SERPIND1: variants seen among roughly 807,000 people sequenced by gnomAD.
SERPIND1 encodes serpin family D member 1.
SERPIND1 carries 34 observed loss-of-function variants against 35.0 expected under a neutral mutation model. The ratio of observed to expected loss-of-function variants is 0.97; its 90% CI spans 0.74 to 1.29. The LOEUF is 1.29. Ranked by LOEUF, SERPIND1 falls within the 50% of genes most tolerant of loss-of-function variation. SERPIND1 has a pLI of 0.00. For missense variants in SERPIND1, 633 were observed against 637.7 expected (o/e 0.99, Z 0.08); for synonymous variants, 236 against 241.1 (o/e 0.98, Z 0.19).
chr22:20,776,092 C>T (rs1342630487), intron 1 of SERPIND1, among the ~76,000 whole-genome samples: 2 of 152,096 alleles, frequency 1.3e-5, no homozygotes, highest in South Asian at 2.1e-4. Context: ...GAGGCCAAGG[C>T]AGGAGAATTG....
chr22:20,784,772 A>G (rs1258509852), intron 3 of SERPIND1, among the ~76,000 whole-genome samples: 1 of 152,176 alleles, frequency 6.6e-6, no homozygotes, highest in Non-Finnish European at 1.5e-5. Context: ...GCAGGTGTTA[A>G]GTACTTATTG....
intron 2 of SERPIND1, among the ~76,000 whole-genome samples, chr22:20,782,306 C>T (rs1240239627): frequency 6.6e-6 from 1 of 152,170 alleles, no homozygotes; most frequent in African/African-American, 2.4e-5. Context: ...CACAGTAACC[C>T]GTGTCATACC....
At chr22:20,774,535 G>T (rs546457737) in intron 1 of SERPIND1, among the ~76,000 whole-genome samples, 8 of 152,272 alleles carry the variant, frequency 5.3e-5, no homozygotes, top group African/African-American at 1.9e-4. Flanking sequence ...GGCCGAGGCG[G>T]GTGGATCACG....
intron 1 of SERPIND1, among the ~76,000 whole-genome samples, chr22:20,777,373 C>T (rs954915822): frequency 7.2e-5 from 11 of 152,024 alleles, no homozygotes; most frequent in East Asian, 1.9e-4. Context: ...TGCGCCACCA[C>T]GCCGGCTAAT....
At chr22:20,783,833 T>C in intron 2 of SERPIND1, 139 bp from the exon 3 acceptor site, 1 of 1,144,988 alleles carries the variant, frequency 8.7e-7, no homozygotes, top group Non-Finnish European at 1.3e-6. Flanking sequence ...AAATCAGGCC[T>C]CAGGAATCAA....
intron 1 of SERPIND1, 44 bp from the exon 2 acceptor site, chr22:20,779,253 G>C: frequency 6.2e-7 from 1 of 1,610,772 alleles, no homozygotes. Context: ...GCGGGGTGTG[G>C]ATCAGCCAGG....
At chr22:20,783,577 G>A (rs1052562690) in intron 2 of SERPIND1, among the ~76,000 whole-genome samples, 2 of 152,042 alleles carry the variant, frequency 1.3e-5, no homozygotes, top group African/African-American at 2.4e-5. Context: ...TGATGGCATC[G>A]CCGCACTCCA....
At chr22:20,783,888 A>G (rs1481479427) in intron 2 of SERPIND1, 84 bp from the exon 3 acceptor site, 19 of 1,590,020 alleles carry the variant, frequency 1.2e-5, no homozygotes, top group Admixed American at 1.0e-4. Flanking sequence ...TGAGGCCTCC[A>G]GGGAAATCAG....
At chr22:20,782,582 CAG>C (rs1933881218) in intron 2 of SERPIND1, among the ~76,000 whole-genome samples, 1 of 152,118 alleles carries the variant, frequency 6.6e-6, no homozygotes, top group South Asian at 2.1e-4. Context: ...ATGAGGAAGT[CAG>C]AAGGAAAGAA....
chr22:20,784,387 T>C (rs1934043041), intron 3 of SERPIND1, 142 bp downstream of exon 3: 1 of 1,155,854 alleles, frequency 8.7e-7, no homozygotes. Flanking sequence ...CTCTGTTAAT[T>C]CAGCCCCAAT....
rs749720054 is a variant in SERPIND1 at position 20,779,383 on chromosome 22, C to T, written c.71C>T (p.Pro24Leu). ...TCTGCGTGGGGTGGGAGCAAAGGCCCGCTGGATCAGCTAGAGAAAGGAGGG... is the reference window on the plus strand; with the variant it reads ...TCTGCGTGGGGTGGGAGCAAAGGCCTGCTGGATCAGCTAGAGAAAGGAGGG... The part of the protein sequence containing the change: ...ITSAWGGSKG[P>L]LDQLEKGGET... The change falls in exon 2 of 5, where the codon CCG becomes CTG. Residue 24 changes from proline to leucine, a missense_variant. By Grantham distance (98) the Pro-to-Leu change is moderately conservative. Transcript: ENST00000215727. 59 of 1,614,100 alleles carry T rather than the reference C, an allele frequency of 3.7e-5. No homozygotes were observed. Among genetic ancestry groups the T allele is most frequent in the Non-Finnish European group, 4.5e-5 (53 of 1,180,050 alleles).
At chr22:20,785,971 T>G (rs1934186667) in intron 3 of SERPIND1, 33 bp from the exon 4 acceptor site, 1 of 1,614,028 alleles carries the variant, frequency 6.2e-7, no homozygotes, top group Admixed American at 1.7e-5. Context: ...TGTGGTTCAA[T>G]AAAACTGGGC....
At chr22:20,781,966 G>T (rs1447577749) in intron 2 of SERPIND1, among the ~76,000 whole-genome samples, 1 of 152,220 alleles carries the variant, frequency 6.6e-6, no homozygotes, top group Admixed American at 6.5e-5. Context: ...CATGACAAGA[G>T]CTCAGCGAAT....
At chr22:20,784,272 T>C (rs781282934) in intron 3 of SERPIND1, 27 bp downstream of exon 3, 6 of 1,613,996 alleles carry the variant, frequency 3.7e-6, no homozygotes, top group Non-Finnish European at 1.7e-6. Flanking sequence ...GTTTGTTCTT[T>C]TGAGCTCCCA....
chr22:20,786,252 C>A, intron 4 of SERPIND1, 104 bp downstream of exon 4: 1 of 1,294,220 alleles, frequency 7.7e-7, no homozygotes, highest in Non-Finnish European at 1.1e-6. Context: ...CATGTCCCAG[C>A]TTGGGGTGCT....
chr22:20,782,802 T>C (rs1254806925), intron 2 of SERPIND1, among the ~76,000 whole-genome samples: 1 of 152,160 alleles, frequency 6.6e-6, no homozygotes, highest in Non-Finnish European at 1.5e-5. Context: ...CAAACTATTA[T>C]GTGGCCCAAA....
At chr22:20,782,072 C>T (rs1471515276) in intron 2 of SERPIND1, among the ~76,000 whole-genome samples, 1 of 152,142 alleles carries the variant, frequency 6.6e-6, no homozygotes, top group East Asian at 1.9e-4. Flanking sequence ...AGCAAATAAC[C>T]TATGTTTAGG....
At chr22:20,784,812 T>C (rs767587948) in intron 3 of SERPIND1, among the ~76,000 whole-genome samples, 3 of 152,184 alleles carry the variant, frequency 2.0e-5, no homozygotes, top group Non-Finnish European at 4.4e-5. Context: ...GCAGAAAGAA[T>C]GGAGAGGTCT....
In SERPIND1 at chr22:20,779,308, C is replaced by A; in HGVS notation, c.-5C>A. The A allele has an allele frequency of 6.2e-7, 1 of 1,614,176 alleles. No individual in the cohort carries two copies. The highest frequency in any genetic ancestry group is 8.5e-7 in the Non-Finnish European group (1 of 1,180,050). ...GTTTTCCCTCCCAGCTTTAGCTCCG[C>A]CAAAATGAAACACTCATTAAACGCA... On this transcript the variant is annotated 5_prime_UTR_variant, in exon 2 of 5. Transcript: ENST00000215727.
Sources: gnomAD v4.1 joint callset for allele counts (sites outside exome capture counted in the v4.1 genomes callset) on GRCh38, gnomAD v4.1.1 for gene constraint, MANE v1.5 for transcripts, NCBI Gene and HGNC (gene_info 2026-07-23, HGNC 2026-07-21) for gene names.